The following SLC24A2 variants were observed in gnomAD, a reference collection of about 807,000 sequenced individuals.
SLC24A2 encodes the protein sodium/potassium/calcium exchanger 2.
A neutral mutation model predicts 62.0 loss-of-function variants in SLC24A2; 36 were observed. The ratio of observed to expected loss-of-function variants is 0.58; its 90% confidence interval spans 0.44 to 0.77. SLC24A2 has a LOEUF of 0.77. SLC24A2 is among the 30% of genes least tolerant of loss of function. SLC24A2 has a pLI of 0.00. For synonymous variants in SLC24A2, 358 were observed against 294.0 expected, an observed-to-expected ratio of 1.22 and a Z score of -2.23; for missense variants, 846 against 817.9, an observed-to-expected ratio of 1.03 and a Z score of -0.42.
intron 8 of SLC24A2, among the ~76,000 whole-genome samples, chr9:19,547,424 A>G (rs980992141): frequency 2.6e-5 from 4 of 152,300 alleles, no homozygotes; most frequent in South Asian, 2.1e-4. Flanking sequence ...CAGCCAGAGC[A>G]GTTGTCATGA....
the SLC24A2 span, among the ~76,000 whole-genome samples, chr9:20,142,619 T>C: frequency 6.6e-6 from 1 of 152,160 alleles, no homozygotes; most frequent in Non-Finnish European, 1.5e-5. Context: ...TTTTTTGACA[T>C]GGAGTCTCAC....
At chr9:20,283,447 C>T in the SLC24A2 span, among the ~76,000 whole-genome samples, 2 of 152,136 alleles carry the variant, frequency 1.3e-5, no homozygotes, top group African/African-American at 4.8e-5. Context: ...CTCCTCCAGT[C>T]GGGCCTCTGC....
intron 2 of SLC24A2, among the ~76,000 whole-genome samples, chr9:19,752,119 A>T (rs1822001954): frequency 2.0e-5 from 3 of 152,148 alleles, no homozygotes; most frequent in South Asian, 2.1e-4. Flanking sequence ...ACGTTTGCTT[A>T]TGTGTCATCA....
At chr9:19,967,844 A>G in the SLC24A2 span, 1 of 152,200 alleles carries the variant, frequency 6.6e-6, no homozygotes, top group African/African-American at 2.4e-5. Context: ...CCAGGTGGGA[A>G]AATACAGGCA....
At chr9:19,903,248 G>C in the SLC24A2 span, among the ~76,000 whole-genome samples, 3 of 152,094 alleles carry the variant, frequency 2.0e-5, no homozygotes, top group Non-Finnish European at 2.9e-5. Context: ...AGCCTGGTTG[G>C]GTTGTTGGTG....
At chr9:19,774,601 T>C (rs750089399) in intron 2 of SLC24A2, among the ~76,000 whole-genome samples, 5 of 152,292 alleles carry the variant, frequency 3.3e-5, no homozygotes, top group South Asian at 2.1e-4. Flanking sequence ...TGACAGTTTA[T>C]AAGTGGGAAA....
the SLC24A2 span, among the ~76,000 whole-genome samples, chr9:20,179,339 A>G: frequency 1.2e-4 from 18 of 152,184 alleles, no homozygotes; most frequent in Non-Finnish European, 2.2e-4. Context: ...CACGCTAGAG[A>G]ATGAGAAGTC....
chr9:20,230,364 T>G, the SLC24A2 span, among the ~76,000 whole-genome samples: 5,104 of 152,256 alleles, frequency 0.034, 255 homozygotes, highest in African/African-American at 0.11. Context: ...TGTAAAAGTG[T>G]TCCTATTTCT....
chr9:20,270,944 C>T, the SLC24A2 span, among the ~76,000 whole-genome samples: 3 of 152,148 alleles, frequency 2.0e-5, no homozygotes, highest in African/African-American at 7.2e-5. Context: ...TCTTTGGAAT[C>T]CAGTTTCCTT....
At chr9:20,168,877 G>A in the SLC24A2 span, among the ~76,000 whole-genome samples, 1 of 151,950 alleles carries the variant, frequency 6.6e-6, no homozygotes, top group African/African-American at 2.4e-5. Context: ...ATTGAAACCA[G>A]GGATTCAAAC....
At chr9:20,249,134 G>A in the SLC24A2 span, among the ~76,000 whole-genome samples, 1 of 152,140 alleles carries the variant, frequency 6.6e-6, no homozygotes, top group Non-Finnish European at 1.5e-5. Flanking sequence ...ATCTCTCTGG[G>A]CTTCAATTTT....
intron 2 of SLC24A2, among the ~76,000 whole-genome samples, chr9:19,729,419 C>T (rs562985399): frequency 2.4e-4 from 37 of 152,274 alleles, no homozygotes; most frequent in African/African-American, 8.7e-4. Flanking sequence ...ATCTGCACTC[C>T]ATATTTATTG....
chr9:20,190,706 G>A, the SLC24A2 span, among the ~76,000 whole-genome samples: 1 of 152,112 alleles, frequency 6.6e-6, no homozygotes, highest in Admixed American at 6.6e-5. Context: ...TATTAGTCAT[G>A]AGCTTGAAAT....
At chr9:19,958,754 G>A in the SLC24A2 span, among the ~76,000 whole-genome samples, 8 of 152,306 alleles carry the variant, frequency 5.3e-5, no homozygotes, top group African/African-American at 1.7e-4. Flanking sequence ...TAATATAAAT[G>A]TGTGAAATAA....
chr9:19,736,369 C>T (rs1251600210), intron 2 of SLC24A2, among the ~76,000 whole-genome samples: 2 of 152,036 alleles, frequency 1.3e-5, no homozygotes, highest in Non-Finnish European at 1.5e-5. Flanking sequence ...TGATTATAAA[C>T]AAAACAGTGC....
At chr9:20,212,613 GT>G in the SLC24A2 span, among the ~76,000 whole-genome samples, 10 of 151,676 alleles carry the variant, frequency 6.6e-5, no homozygotes, top group East Asian at 1.7e-3. Flanking sequence ...AACCCTCTCT[GT>G]TTTAGAAAGA....
At chr9:19,723,790 T>C (rs1273699528) in intron 2 of SLC24A2, among the ~76,000 whole-genome samples, 1 of 151,980 alleles carries the variant, frequency 6.6e-6, no homozygotes, top group African/African-American at 2.4e-5. Context: ...TATAGCAAAA[T>C]TTGCAACTCA....
At chr9:20,060,523 TG>T in the SLC24A2 span, among the ~76,000 whole-genome samples, 1 of 152,078 alleles carries the variant, frequency 6.6e-6, no homozygotes, top group Admixed American at 6.5e-5. Context: ...TATACACCGT[TG>T]TAAAGTAGTA....
At chr9:19,646,347 A>T (rs761757465) in intron 2 of SLC24A2, among the ~76,000 whole-genome samples, 1 of 152,172 alleles carries the variant, frequency 6.6e-6, no homozygotes, top group African/African-American at 2.4e-5. Flanking sequence ...GTTCCCTGAA[A>T]TTGCCCTTGC....
Sources: allele counts gnomAD v4.1 joint callset (sites outside exome capture counted in the v4.1 genomes callset), GRCh38; gene constraint gnomAD v4.1.1; transcripts MANE v1.5; gene names NCBI Gene and HGNC (gene_info 2026-07-23, HGNC 2026-07-21).